PER3: variants seen among roughly 807,000 people sequenced by gnomAD.
PER3 encodes the protein period circadian protein homolog 3.
PER3 carries 107 observed loss-of-function variants against 127.2 expected under a neutral mutation model. The ratio of observed to expected loss-of-function variants is 0.84; its 90% confidence interval spans 0.72 to 0.99. The LOEUF is 0.99. PER3 is among the 50% of genes least tolerant of loss of function. The pLI, the probability that PER3 is intolerant of heterozygous loss-of-function variation, is 0.00. For missense variants in PER3, 1,560 were observed against 1,525.8 expected (o/e 1.02, Z -0.37); for synonymous variants, 618 against 585.8 (o/e 1.05, Z -0.79).
At chr1:7,792,706 T>A (rs1345498402) in intron 5 of PER3, among the ~76,000 whole-genome samples, 1 of 152,250 alleles carries the variant, frequency 6.6e-6, no homozygotes, top group African/African-American at 2.4e-5. Flanking sequence ...TGTCAACCTC[T>A]GGTCCTGTAT....
At position 7,834,012 on chromosome 1, in the gene PER3, T is replaced by G. The variant is rs1431265426; in HGVS notation, c.3215-1750T>G. Among the ~76,000 whole-genome samples the G allele has an allele frequency of 5.3e-5, 8 of 152,224 alleles. No homozygotes were observed. The East Asian group carries it at 1.5e-3, about 29-fold the overall frequency. On this transcript the variant is annotated intron_variant, in intron 19 of 21. Coordinates refer to ENST00000377532, the MANE Select transcript of PER3 (RefSeq NM_001377275.1). ...ATCTTGGCTCACTGCACCCTCCACC[T>G]CCTAGGTTCAAGCAATTCTCCTGCC...
At chr1:7,810,186 A>AT (rs2097213223) in intron 12 of PER3, 165 bp downstream of exon 12, 4 of 733,504 alleles carry the variant, frequency 5.5e-6, no homozygotes, top group Non-Finnish European at 6.8e-6. Flanking sequence ...TAAAAAGAAA[A>AT]TATCACCTTT....
rs2097078472 is a variant in PER3 at position 7,784,945 on chromosome 1, C to T, written c.68C>T (p.Ser23Leu). 1 of 1,542,196 alleles carries T rather than the reference C, an allele frequency of 6.5e-7. No homozygotes were observed. Among genetic ancestry groups the T allele is most frequent in the African/African-American group, 1.4e-5 (1 of 69,216 alleles). ...GAKDEALGEE[S>L]GERWSPEFHL... The stretch of plus-strand genomic sequence containing the variant: ...AAGGACGAGGCCCTGGGCGAAGAAT[C>T]GGGGGAGCGGTGGAGCCCCGAGTTC... The change falls in exon 2 of 22, where the codon TCG becomes TTG. Residue 23 changes from serine to leucine, a missense_variant. Ser to Leu is a moderately radical substitution (Grantham distance 145, BLOSUM62 -2). Transcript: ENST00000377532.
rs1334813591 is a variant in PER3, at chr1:7,830,102, T to C, written c.3155T>C (p.Val1052Ala). 1 of 1,612,824 alleles carries C rather than the reference T, an allele frequency of 6.2e-7. No homozygotes were observed. Among genetic ancestry groups the C allele is most frequent in the Non-Finnish European group, 8.5e-7 (1 of 1,179,612 alleles). ...ACTCCATCCCATCCTACTGCCACTG[T>C]TCTGTCCACGGGGTCACCTCCCAGC... The part of the protein sequence containing the change: ...SRTPSHPTAT[V>A]LSTGSPPSES... Residue 1052 changes from valine (V) to alanine (A), a missense_variant, in exon 19 of 22, where the codon GTT (valine) becomes GCT (alanine). Coordinates refer to ENST00000377532, the MANE Select transcript of PER3 (RefSeq NM_001377275.1).
At chr1:7,838,568 C>A (rs1250421731) in intron 21 of PER3, among the ~76,000 whole-genome samples, 1 of 152,126 alleles carries the variant, frequency 6.6e-6, no homozygotes, top group Non-Finnish European at 1.5e-5. Flanking sequence ...ACCACCATGC[C>A]CAGCTAATTT....
chr1:7,784,757 C>G lies in PER3; in HGVS notation c.-121C>G, dbSNP rs2097077017. ...CCCTGGCTCGTGGTGGCCGCCTGTT[C>G]TCACTAACGCCATGGCGGGGACCGG... On this transcript the variant is annotated 5_prime_UTR_variant, in exon 2 of 22. Transcript: ENST00000377532. 4.5e-6 allele frequency: 5 copies of G among 1,100,250 alleles called. No homozygotes were observed. Among genetic ancestry groups the G allele is most frequent in the South Asian group, 2.2e-5 (1 of 46,236 alleles). 68.2% of individuals were successfully genotyped at this position (1,100,250 alleles called of 1,614,324 possible).
intron 7 of PER3, 68 bp downstream of exon 7, chr1:7,798,741 C>G: frequency 2.2e-6 from 3 of 1,336,770 alleles, no homozygotes; most frequent in Non-Finnish European, 3.2e-6. Flanking sequence ...CTGTTTACGT[C>G]AGTCATAGAA....
chr1:7,840,011 T>C (rs1217022781), intron 21 of PER3, among the ~76,000 whole-genome samples: 1 of 152,196 alleles, frequency 6.6e-6, no homozygotes, highest in Non-Finnish European at 1.5e-5. Flanking sequence ...GTAGTGCTTA[T>C]GTTGGTCCAC....
intron 9 of PER3, among the ~76,000 whole-genome samples, 172 bp from the exon 10 acceptor site, chr1:7,803,520 G>A (rs557030980): frequency 9.2e-5 from 14 of 151,938 alleles, no homozygotes; most frequent in Admixed American, 5.9e-4. Context: ...CCTGGGAGGC[G>A]GAAGTTGCAG....
intron 11 of PER3, among the ~76,000 whole-genome samples, 167 bp downstream of exon 11, chr1:7,809,165 T>C (rs2097208422): frequency 1.3e-5 from 2 of 152,256 alleles, no homozygotes; most frequent in African/African-American, 4.8e-5. Context: ...ATTTTATTCT[T>C]TGTTCCTTAT....
chr1:7,827,424 T>G lies in PER3; in HGVS notation c.2495T>G (p.Leu832Arg). Residue 832 changes from leucine to arginine, a missense_variant, in exon 18 of 22, where the codon CTG becomes CGG. This residue lies in a region of PER3 where 1,332 missense variants were observed against 1,223.6 expected (regional missense o/e 1.09). Transcript: ENST00000377532. ...GCCCCCGGAACTGCACCGGAAGGCC[T>G]GCATGGGCTGCCCTTGTCCGAGGGC... ...YAAPGTAPEGLHGLPLSEGLQ... is the reference protein window; with the variant it reads ...YAAPGTAPEGRHGLPLSEGLQ... The G allele has an allele frequency of 1.2e-6, 2 of 1,614,190 alleles. No homozygotes were observed. Among genetic ancestry groups the G allele is most frequent in the Non-Finnish European group, 1.7e-6 (2 of 1,180,028 alleles).
intron 10 of PER3, among the ~76,000 whole-genome samples, chr1:7,806,341 G>T (rs1380648578): frequency 1.3e-5 from 2 of 152,158 alleles, no homozygotes; most frequent in Non-Finnish European, 2.9e-5. Context: ...TTCGGGAGGA[G>T]TGAAAGTGGA....
At position 7,823,837 on chromosome 1, in the gene PER3, A is replaced by G. The variant is rs867973513; in HGVS notation, c.1958-2643A>G. The stretch of plus-strand genomic sequence containing the variant: ...AGAGAACGTGAGACCCAGTAACTGT[A>G]TAATCCACAACCTTTTCAAGTACAC... On this transcript the variant is annotated intron_variant, in intron 16 of 21. Coordinates refer to ENST00000377532, the MANE Select transcript of PER3 (RefSeq NM_001377275.1). Among the ~76,000 whole-genome samples the G allele has an allele frequency of 2.6e-5, 4 of 152,374 alleles. No individual in the cohort carries two copies. In the Middle Eastern group the frequency reaches 0.014, roughly 518 times the overall value.
chr1:7,833,883 T>G (rs2097344984), intron 19 of PER3, among the ~76,000 whole-genome samples: 1 of 152,104 alleles, frequency 6.6e-6, no homozygotes, highest in Non-Finnish European at 1.5e-5. Context: ...ACTTTTTTTT[T>G]GTTTTTGCTC....
intron 16 of PER3, 124 bp downstream of exon 16, chr1:7,820,764 CTTTAG>C (rs1353950778): frequency 2.7e-6 from 2 of 739,716 alleles, no homozygotes; most frequent in East Asian, 2.8e-5. Context: ...TTTTTCCTTT[CTTTAG>C]TTCAGTTAAA....
chr1:7,824,948 C>A (rs1269836384), intron 16 of PER3, among the ~76,000 whole-genome samples: 1 of 152,178 alleles, frequency 6.6e-6, no homozygotes, highest in Non-Finnish European at 1.5e-5. Context: ...CCAGGCTGCA[C>A]GCTGGGGCAG....
chr1:7,824,824 G>A (rs1186501195), intron 16 of PER3, among the ~76,000 whole-genome samples: 1 of 152,236 alleles, frequency 6.6e-6, no homozygotes, highest in African/African-American at 2.4e-5. Context: ...CTAGTCTGGC[G>A]GATGGGAACC....
intron 20 of PER3, 71 bp from the exon 21 acceptor site, chr1:7,836,928 A>G (rs2151281695): frequency 3.3e-6 from 4 of 1,213,864 alleles, no homozygotes; most frequent in Middle Eastern, 2.1e-4. Context: ...AAGAAGTGCT[A>G]TTCCTAGATG....
chr1:7,835,340 A>G (rs921798212), intron 19 of PER3, among the ~76,000 whole-genome samples: 2 of 152,232 alleles, frequency 1.3e-5, no homozygotes, highest in Admixed American at 6.5e-5. Context: ...GACAGTTATG[A>G]AAAGTCAGAG....
Sources: gnomAD v4.1 joint callset for allele counts (sites outside exome capture counted in the v4.1 genomes callset) on GRCh38, gnomAD v4.1.1 for gene constraint, gnomAD v4.1.1 regional missense constraint, MANE v1.5 for transcripts, NCBI Gene and HGNC (gene_info 2026-07-23, HGNC 2026-07-21) for gene names.